SOX5: variants seen among roughly 807,000 people sequenced by gnomAD.
SOX5 encodes SRY-box transcription factor 5, also known as transcription factor SOX-5.
SOX5 carries 9 observed loss-of-function variants against 92.0 expected under a neutral mutation model. The ratio of observed to expected loss-of-function variants is 0.10; its 90% CI spans 0.06 to 0.17. The LOEUF (loss-of-function observed/expected upper bound fraction) is 0.17. Among genes scored for constraint, SOX5 ranks in the 10% least tolerant of loss-of-function variants. The probability of loss-of-function intolerance (pLI) is 1.00; values close to 1 mark genes in which losing one functional copy is unlikely to be tolerated. For missense variants in SOX5, 642 were observed against 944.5 expected, an observed-to-expected ratio of 0.68 and a Z score of 4.20; for synonymous variants, 344 against 336.3, an observed-to-expected ratio of 1.02 and a Z score of -0.25.
rs1356102039 is a variant in SOX5 at position 24,393,089 on chromosome 12, A to G, written c.-250-24450T>C. On this transcript the variant is annotated intron_variant, in intron 1 of 4. Coordinates refer to the SOX5 transcript ENST00000446891. The surrounding 1 kb of genome is among the most constrained non-coding windows in gnomAD (Gnocchi z 5.0). The stretch of plus-strand genomic sequence containing the variant: ...AAGTATTTTTTTCTTTTCTATCTCA[A>G]CCACCACTCTCCCAATTATAATAAA... 6.6e-6 allele frequency among the ~76,000 whole-genome samples: 1 copy of G among 152,092 alleles called. No individual in the cohort carries two copies. The highest frequency in any genetic ancestry group is 6.6e-5 in the Admixed American group (1 of 15,264).
At chr12:23,793,359 C>T (rs1355615364) in intron 3 of SOX5, among the ~76,000 whole-genome samples, 2 of 152,106 alleles carry the variant, frequency 1.3e-5, no homozygotes, top group Admixed American at 6.6e-5. Context: ...AAAATCAGTA[C>T]ATTAGCCAAA....
chr12:23,950,940 A>G, upstream of SOX5: 1 of 1,425,578 alleles, frequency 7.0e-7, no homozygotes, highest in Admixed American at 2.0e-5. Flanking sequence ...GCACACACTT[A>G]CCAACAGGAG....
chr12:23,990,037 TAAATAAGAAGAAGA>T (rs1054233582), intron 4 of SOX5, among the ~76,000 whole-genome samples: 34 of 151,560 alleles, frequency 2.2e-4, no homozygotes, highest in African/African-American at 7.0e-4. Context: ...AATATAATTC[TAAATAAGAAGAAGA>T]AAAGAAGGAG....
chr12:24,545,518 T>C (rs11047490), intron 1 of SOX5, among the ~76,000 whole-genome samples: 37,075 of 151,636 alleles, frequency 0.24, 5,229 homozygotes, highest in African/African-American at 0.38. Flanking sequence ...AAAAAAAAAA[T>C]CGACAGATTT....
At chr12:24,449,074 T>C (rs1285024927) in intron 1 of SOX5, among the ~76,000 whole-genome samples, 3 of 152,116 alleles carry the variant, frequency 2.0e-5, no homozygotes, top group Non-Finnish European at 4.4e-5. Context: ...AAGTCCAAAC[T>C]AGAACTTCCT....
At chr12:24,405,012 A>T (rs1235113017) in intron 1 of SOX5, among the ~76,000 whole-genome samples, 1 of 152,164 alleles carries the variant, frequency 6.6e-6, no homozygotes, top group African/African-American at 2.4e-5. Flanking sequence ...TCTACAAGCC[A>T]AAAAAGAAGG....
At chr12:24,293,512 C>T (rs1386103979) in intron 2 of SOX5, among the ~76,000 whole-genome samples, 1 of 152,068 alleles carries the variant, frequency 6.6e-6, no homozygotes, top group African/African-American at 2.4e-5. Flanking sequence ...GAATCTTCAA[C>T]ATAACATACA....
At chr12:24,095,464 A>AT (rs1945294469) in intron 4 of SOX5, among the ~76,000 whole-genome samples, 1 of 104,844 alleles carries the variant, frequency 9.5e-6, no homozygotes, top group South Asian at 3.0e-4. Flanking sequence ...TATTTATTTA[A>AT]TTTTATTCTC....
At chr12:23,923,333 A>AATG (rs879944682) in intron 1 of SOX5, among the ~76,000 whole-genome samples, 45 of 103,050 alleles carry the variant, frequency 4.4e-4, no homozygotes, top group Middle Eastern at 5.3e-3. Flanking sequence ...ATGAATGAAT[A>AATG]CGTAAAAGCA....
At chr12:23,934,511 A>T (rs990532915) in intron 1 of SOX5, among the ~76,000 whole-genome samples, 1 of 149,586 alleles carries the variant, frequency 6.7e-6, no homozygotes. Flanking sequence ...ACAAATGATT[A>T]TACAACATGA....
intron 3 of SOX5, among the ~76,000 whole-genome samples, chr12:23,775,516 T>C (rs1306131754): frequency 6.6e-6 from 1 of 152,206 alleles, no homozygotes; most frequent in Non-Finnish European, 1.5e-5. Flanking sequence ...GTGCATATAA[T>C]GCAATACCAT....
chr12:23,660,799 T>C (rs1309592353), intron 7 of SOX5, among the ~76,000 whole-genome samples: 1 of 152,192 alleles, frequency 6.6e-6, no homozygotes, highest in African/African-American at 2.4e-5. Flanking sequence ...TCAATAATTG[T>C]TTCATGGGAC....
At chr12:23,775,266 T>C (rs1479455454) in intron 3 of SOX5, among the ~76,000 whole-genome samples, 1 of 152,224 alleles carries the variant, frequency 6.6e-6, no homozygotes, top group Non-Finnish European at 1.5e-5. Flanking sequence ...CTGTGGTTTA[T>C]ATAATTATTT....
intron 1 of SOX5, among the ~76,000 whole-genome samples, chr12:24,407,100 G>T (rs1963137763): frequency 6.6e-6 from 1 of 152,056 alleles, no homozygotes; most frequent in South Asian, 2.1e-4. Flanking sequence ...CAAAAAAAAA[G>T]GGTGGGGGAG....
chr12:23,720,177 A>G (rs2092735401), intron 6 of SOX5, among the ~76,000 whole-genome samples: 1 of 152,240 alleles, frequency 6.6e-6, no homozygotes, highest in Non-Finnish European at 1.5e-5. Context: ...CAAAACAGAA[A>G]GAATTTTTTA....
intron 6 of SOX5, among the ~76,000 whole-genome samples, chr12:23,667,139 G>T (rs965040568): frequency 6.6e-6 from 1 of 152,086 alleles, no homozygotes; most frequent in Non-Finnish European, 1.5e-5. Flanking sequence ...GGGCGGCAGA[G>T]AGAGGGAGAG....
At chr12:24,098,292 T>C (rs1945668583) in intron 4 of SOX5, among the ~76,000 whole-genome samples, 1 of 152,184 alleles carries the variant, frequency 6.6e-6, no homozygotes, top group African/African-American at 2.4e-5. Context: ...AATCCTCTAT[T>C]ATAAATTTCC....
At chr12:24,236,054 T>C (rs113642695) in intron 3 of SOX5, among the ~76,000 whole-genome samples, 4 of 152,018 alleles carry the variant, frequency 2.6e-5, no homozygotes, top group East Asian at 3.9e-4. Flanking sequence ...TAGCCGGGCG[T>C]GGTGGCGGGC....
chr12:24,546,727 A>G lies in SOX5; in HGVS notation c.-251+15602T>C, dbSNP rs1375083560. Among the ~76,000 whole-genome samples, 3 of 152,236 alleles carry G rather than the reference A, an allele frequency of 2.0e-5. No individual in the cohort carries two copies. The East Asian group carries it at 5.8e-4, about 29-fold the overall frequency. Reference sequence around the variant, plus strand: ...TCTGTTGGCAGAAAATCTAAGAAATATAACTGATAAAAAGTTGGTGAGCCT... The same window carrying G: ...TCTGTTGGCAGAAAATCTAAGAAATGTAACTGATAAAAAGTTGGTGAGCCT... On this transcript the variant is annotated intron_variant, in intron 1 of 4. Transcript: ENST00000446891.
Sources: gnomAD v4.1 joint callset for allele counts (sites outside exome capture counted in the v4.1 genomes callset) on GRCh38, gnomAD v4.1.1 for gene constraint, Gnocchi (gnomAD v3.1) non-coding constraint, MANE v1.5 for transcripts, NCBI Gene and HGNC (gene_info 2026-07-23, HGNC 2026-07-21) for gene names.